CLEC16A: variants seen among roughly 807,000 people sequenced by gnomAD.
The protein encoded by CLEC16A is C-type lectin domain containing 16A.
A neutral mutation model predicts 109.5 loss-of-function variants in CLEC16A; 51 were observed. That is an observed-to-expected ratio of 0.47 (90% CI 0.37 to 0.59). The LOEUF (loss-of-function observed/expected upper bound fraction) is 0.59, where lower values mean the gene tolerates loss of function less well. CLEC16A is among the 20% of genes least tolerant of loss of function. CLEC16A has a pLI of 0.00. For missense variants in CLEC16A, 1,339 were observed against 1,394.0 expected (o/e 0.96, Z 0.63); for synonymous variants, 673 against 564.2 (o/e 1.19, Z -2.73).
intron 19 of CLEC16A, among the ~76,000 whole-genome samples, chr16:11,085,482 G>A (rs1007828344): frequency 6.6e-6 from 1 of 152,274 alleles, no homozygotes; most frequent in Non-Finnish European, 1.5e-5. Flanking sequence ...ATCTTTCTGC[G>A]TGTCTGTTTC....
At chr16:11,175,174 G>A (rs963631841) in intron 23 of CLEC16A, among the ~76,000 whole-genome samples, 9 of 152,322 alleles carry the variant, frequency 5.9e-5, no homozygotes, top group Admixed American at 5.2e-4. Context: ...TGACAAGGAT[G>A]TGTTAAGGCC....
chr16:11,073,701 C>T (rs1567279997), intron 19 of CLEC16A, among the ~76,000 whole-genome samples: 1 of 152,196 alleles, frequency 6.6e-6, no homozygotes, highest in Non-Finnish European at 1.5e-5. Flanking sequence ...GATGGCCCTC[C>T]CAGCCTCCTT....
chr16:10,959,289 T>G (rs527659975), intron 2 of CLEC16A, among the ~76,000 whole-genome samples: 1 of 152,200 alleles, frequency 6.6e-6, no homozygotes, highest in Non-Finnish European at 1.5e-5. Context: ...CTCTTTAAAA[T>G]GCAAACCTGT....
chr16:11,134,266 C>T (rs958664614), intron 22 of CLEC16A, among the ~76,000 whole-genome samples: 4 of 149,536 alleles, frequency 2.7e-5, no homozygotes, highest in Non-Finnish European at 2.9e-5. Flanking sequence ...ACTACGTTGT[C>T]GGCTCCAACT....
intron 23 of CLEC16A, among the ~76,000 whole-genome samples, chr16:11,177,271 T>TCACTGGAAGGCAAATGGGCCAG (rs1445670675): frequency 2.0e-5 from 3 of 152,152 alleles, no homozygotes; most frequent in Admixed American, 1.3e-4. Context: ...GGCAGGCTCA[T>TCACTGGAAGGCAAATGGGCCAG]CACTGGAAGG....
chr16:11,038,904 C>T (rs1327655917), intron 13 of CLEC16A, among the ~76,000 whole-genome samples: 2 of 152,210 alleles, frequency 1.3e-5, no homozygotes, highest in Non-Finnish European at 2.9e-5. Context: ...GGCGTGGCCT[C>T]TGCCTCACCT....
At chr16:11,082,664 C>G (rs2049792061) in intron 19 of CLEC16A, among the ~76,000 whole-genome samples, 1 of 152,210 alleles carries the variant, frequency 6.6e-6, no homozygotes, top group Non-Finnish European at 1.5e-5. Context: ...TCAAGCTAAG[C>G]TGGTGCTCCC....
rs547531472 is a variant in CLEC16A, at chr16:11,086,758, G to T, written c.2116+25736G>T. On this transcript the variant is annotated intron_variant, in intron 19 of 23. Transcript: ENST00000409790. Reference sequence around the variant, plus strand: ...GTGTTTCACCATGTTGTCCAGGCTGGTCTCAAACTCCTGACCCCAGGTGAT... The same window carrying T: ...GTGTTTCACCATGTTGTCCAGGCTGTTCTCAAACTCCTGACCCCAGGTGAT... 2.2e-4 allele frequency among the ~76,000 whole-genome samples: 34 copies of T among 152,156 alleles called. 1 individual carries two copies. The highest frequency in any genetic ancestry group is 1.9e-3 in the South Asian group (9 of 4,816).
intron 11 of CLEC16A, among the ~76,000 whole-genome samples, chr16:11,019,907 A>G (rs190700177): frequency 9.2e-5 from 14 of 152,364 alleles, no homozygotes; most frequent in Admixed American, 3.9e-4. Context: ...AAAGTAAAAA[A>G]GACGATTTTA....
chr16:10,944,890 G>A, intron 1 of CLEC16A, 93 bp downstream of exon 1: 1 of 1,209,324 alleles, frequency 8.3e-7, no homozygotes, highest in Non-Finnish European at 1.2e-6. Flanking sequence ...CGTGAGAGCG[G>A]CGGCGAAGGG....
intron 18 of CLEC16A, among the ~76,000 whole-genome samples, chr16:11,059,647 G>C (rs189258353): frequency 6.6e-6 from 1 of 152,280 alleles, no homozygotes; most frequent in East Asian, 1.9e-4. Flanking sequence ...CCAGACTGCA[G>C]CCTTCAGAGC....
chr16:11,176,699 C>G (rs777495219), intron 23 of CLEC16A, among the ~76,000 whole-genome samples: 1 of 152,178 alleles, frequency 6.6e-6, no homozygotes. Context: ...GATCATGCCA[C>G]TGCACTCCAG....
chr16:11,082,617 G>C (rs893923967), intron 19 of CLEC16A, among the ~76,000 whole-genome samples: 24 of 152,176 alleles, frequency 1.6e-4, no homozygotes, highest in African/African-American at 5.6e-4. Context: ...CGTTTATGGA[G>C]GCCCTGCTGC....
chr16:11,059,955 G>A (rs2048393784), intron 18 of CLEC16A, among the ~76,000 whole-genome samples: 1 of 152,222 alleles, frequency 6.6e-6, no homozygotes, highest in Non-Finnish European at 1.5e-5. Flanking sequence ...CAGCAGCTGT[G>A]CCTCAGGGAG....
chr16:11,163,772 G>A (rs372146768), intron 22 of CLEC16A, among the ~76,000 whole-genome samples: 3 of 152,306 alleles, frequency 2.0e-5, no homozygotes, highest in East Asian at 1.9e-4. Context: ...CCTTCCAGCC[G>A]GGGTCATTGT....
At chr16:11,137,301 A>C (rs1032382768) in intron 22 of CLEC16A, among the ~76,000 whole-genome samples, 7 of 152,174 alleles carry the variant, frequency 4.6e-5, no homozygotes, top group African/African-American at 7.2e-5. Context: ...GAAAACCGAG[A>C]AACGAAAAAT....
chr16:11,052,912 T>C (rs1261600580), intron 18 of CLEC16A, among the ~76,000 whole-genome samples: 6 of 150,936 alleles, frequency 4.0e-5, no homozygotes, highest in Non-Finnish European at 8.9e-5. Context: ...GTTGTTGTTT[T>C]GGAGGCTGCA....
chr16:11,109,684 C>T (rs999531395), intron 19 of CLEC16A, among the ~76,000 whole-genome samples: 4 of 152,198 alleles, frequency 2.6e-5, no homozygotes, highest in South Asian at 2.1e-4. Context: ...CTCCCTCACA[C>T]GTGCAGCCAC....
intron 13 of CLEC16A, chr16:11,027,487 G>T (rs142538715): frequency 5.1e-6 from 8 of 1,583,972 alleles, no homozygotes; most frequent in Non-Finnish European, 6.9e-6. Context: ...ATTTTGAAAC[G>T]TGGACAAGCC....
Sources: gnomAD v4.1 joint callset for allele counts (sites outside exome capture counted in the v4.1 genomes callset) on GRCh38, gnomAD v4.1.1 for gene constraint, MANE v1.5 for transcripts, NCBI Gene and HGNC (gene_info 2026-07-23, HGNC 2026-07-21) for gene names.